The following JMJD1C variants were observed in gnomAD, a reference collection of about 807,000 sequenced individuals.
JMJD1C encodes the protein jumonji domain-containing protein 1C.
JMJD1C carries 31 observed loss-of-function variants against 245.3 expected under a neutral mutation model. The observed-to-expected ratio is 0.13, with a 90% CI of 0.09 to 0.17. The LOEUF is 0.17. Among genes scored for constraint, JMJD1C ranks in the 10% least tolerant of loss-of-function variants. JMJD1C has a pLI of 1.00. For missense variants in JMJD1C, 2,691 were observed against 3,000.2 expected (o/e 0.90, Z 2.41); for synonymous variants, 1,057 against 1,017.4 (o/e 1.04, Z -0.74).
chr10:63,403,225 C>G (rs1948969538), intron 1 of JMJD1C, among the ~76,000 whole-genome samples: 1 of 152,180 alleles, frequency 6.6e-6, no homozygotes, highest in Non-Finnish European at 1.5e-5. Context: ...ATGTACATTA[C>G]TTATCCAAAC....
At chr10:63,339,623 T>TA (rs56674933) in intron 2 of JMJD1C, among the ~76,000 whole-genome samples, 29,410 of 150,436 alleles carry the variant, frequency 0.2, 6,927 homozygotes, top group African/African-American at 0.57. Context: ...ATCTCTAATT[T>TA]AAAAAAAAAA....
intron 24 of JMJD1C, among the ~76,000 whole-genome samples, chr10:63,174,897 G>A (rs920647178): frequency 2.0e-5 from 3 of 151,672 alleles, no homozygotes; most frequent in Non-Finnish European, 4.4e-5. Flanking sequence ...CGGAGTGATG[G>A]AATTGTTCTA....
At chr10:63,225,291 C>T (rs59309830) in intron 3 of JMJD1C, among the ~76,000 whole-genome samples, 3,262 of 152,022 alleles carry the variant, frequency 0.021, 113 homozygotes, top group African/African-American at 0.073. Flanking sequence ...CTCCAGCAAA[C>T]GACAAATGGA....
At chr10:63,252,378 C>G (rs1853211378) in intron 3 of JMJD1C, among the ~76,000 whole-genome samples, 1 of 152,152 alleles carries the variant, frequency 6.6e-6, no homozygotes. Context: ...CAGATTACCC[C>G]TAACACATGG....
intron 1 of JMJD1C, among the ~76,000 whole-genome samples, chr10:63,493,217 T>C (rs921951410): frequency 6.6e-6 from 1 of 151,628 alleles, no homozygotes; most frequent in Admixed American, 6.6e-5. Flanking sequence ...TCACAGGCTA[T>C]TTTTAAGTAG....
intron 2 of JMJD1C, among the ~76,000 whole-genome samples, chr10:63,268,336 G>A (rs1252291237): frequency 6.6e-6 from 1 of 151,284 alleles, no homozygotes; most frequent in Admixed American, 6.6e-5. Flanking sequence ...AAACAAGTTG[G>A]GGGTGGGGAA....
At chr10:63,469,613 A>T (rs961510828), upstream of JMJD1C, among the ~76,000 whole-genome samples, 1 of 152,194 alleles carries the variant, frequency 6.6e-6, no homozygotes, top group African/African-American at 2.4e-5. Context: ...GTCTATCTGG[A>T]AAGATAGACA....
At chr10:63,346,659 TGCA>T (rs1305367701) in intron 2 of JMJD1C, among the ~76,000 whole-genome samples, 1 of 152,220 alleles carries the variant, frequency 6.6e-6, no homozygotes, top group African/African-American at 2.4e-5. Flanking sequence ...TCTAAGACCA[TGCA>T]GCAGTACCAC....
intron 2 of JMJD1C, among the ~76,000 whole-genome samples, chr10:63,315,141 T>A (rs10995499): frequency 0.14 from 21,442 of 151,874 alleles, 3,457 homozygotes; most frequent in African/African-American, 0.4. Context: ...TTATTTTTGA[T>A]TCATGGAAGT....
At chr10:63,403,457 T>A (rs757821935) in intron 1 of JMJD1C, among the ~76,000 whole-genome samples, 1 of 152,230 alleles carries the variant, frequency 6.6e-6, no homozygotes, top group African/African-American at 2.4e-5. Context: ...TCTTTGGAAT[T>A]AGAACCAGAG....
chr10:63,332,804 T>A (rs1942302765), intron 2 of JMJD1C, among the ~76,000 whole-genome samples: 2 of 152,356 alleles, frequency 1.3e-5, no homozygotes, highest in South Asian at 2.1e-4. Context: ...GAGTTACACA[T>A]ATTTGATTTT....
intron 2 of JMJD1C, among the ~76,000 whole-genome samples, chr10:63,324,756 G>C (rs1400326510): frequency 1.3e-5 from 2 of 152,152 alleles, no homozygotes; most frequent in African/African-American, 2.4e-5. Flanking sequence ...AGAAAAATAA[G>C]CATTTTCGGG....
rs755293050 is a variant in JMJD1C at position 63,200,677 on chromosome 10, G to A, written c.5075C>T (p.Thr1692Ile). ...SKLKLQSNSN[T>I]GIPRSVLKDW... Reference sequence around the variant, plus strand: ...TTTCAATACTGAACGAGGAATGCCAGCTGTAAAATCAGTAGGAAAGTTTTA... The same window carrying A: ...TTTCAATACTGAACGAGGAATGCCAACTGTAAAATCAGTAGGAAAGTTTTA... The change falls in exon 11 of 26, where the codon ACT (threonine) becomes ATT (isoleucine). Residue 1692 changes from threonine (T) to isoleucine (I), a missense_variant and splice_region_variant. Thr to Ile is a moderately conservative substitution (Grantham distance 89). Coordinates refer to ENST00000399262, the MANE Select transcript of JMJD1C (RefSeq NM_032776.3). 3.1e-6 allele frequency: 5 copies of A among 1,613,404 alleles called. No homozygotes were observed. In the African/African-American group the frequency reaches 4.0e-5, roughly 13 times the overall value.
intron 1 of JMJD1C, among the ~76,000 whole-genome samples, chr10:63,472,591 CAA>C (rs991411596): frequency 5.3e-5 from 8 of 152,178 alleles, no homozygotes; most frequent in Non-Finnish European, 8.8e-5. Context: ...CTCTGCCTCC[CAA>C]AGTGCTGGGA....
At chr10:63,266,150 G>A (rs1374968759) in intron 2 of JMJD1C, among the ~76,000 whole-genome samples, 1 of 151,876 alleles carries the variant, frequency 6.6e-6, no homozygotes, top group Non-Finnish European at 1.5e-5. Context: ...TTAAAAAACA[G>A]GAAAAACTCT....
chr10:63,243,325 G>A (rs187457676), intron 3 of JMJD1C, among the ~76,000 whole-genome samples: 99 of 151,702 alleles, frequency 6.5e-4, no homozygotes, highest in Non-Finnish European at 2.8e-4. Flanking sequence ...TCGGGAGCTC[G>A]GGACCAGCCT....
At position 63,213,436 on chromosome 10, in the gene JMJD1C, T is replaced by C. The variant is rs752228794; in HGVS notation, c.2694+37A>G. 1.0e-5 allele frequency: 12 copies of C among 1,172,650 alleles called. No individual in the cohort carries two copies. The South Asian group carries it at 1.5e-4, about 15-fold the overall frequency. 72.6% of individuals were successfully genotyped at this position (1,172,650 alleles called of 1,614,324 possible). A position where few individuals can be genotyped will look rare whatever the true frequency, so the allele number is the denominator to read the frequency against. ...AAAAGCACCTGTACATGTTCATTAA[T>C]ATATACTGCTATGTGGCAAACTACA... On this transcript the variant is annotated intron_variant, in intron 8 of 25. Coordinates refer to ENST00000399262, the MANE Select transcript of JMJD1C (RefSeq NM_032776.3).
intron 1 of JMJD1C, chr10:63,465,174 C>G: frequency 2.9e-6 from 1 of 344,726 alleles, no homozygotes; most frequent in Middle Eastern, 8.0e-4. Context: ...GGACTCGCGG[C>G]TCCGCCTTTC....
chr10:63,310,384 A>G lies in JMJD1C; in HGVS notation c.334-45620T>C, dbSNP rs1043203521. 5.3e-5 allele frequency among the ~76,000 whole-genome samples: 8 copies of G among 152,200 alleles called. No individual in the cohort carries two copies. In the South Asian group the frequency reaches 1.5e-3, roughly 28 times the overall value. The stretch of plus-strand genomic sequence containing the variant: ...TGCCTTGCCAGATAGCAAGACTTAT[A>G]AAGTTACAATATTTAAGACATTGTT... On this transcript the variant is annotated intron_variant, in intron 2 of 25. Transcript: ENST00000399262.
Sources: gnomAD v4.1 joint callset for allele counts (sites outside exome capture counted in the v4.1 genomes callset) on GRCh38, gnomAD v4.1.1 for gene constraint, MANE v1.5 for transcripts, NCBI Gene and HGNC (gene_info 2026-07-23, HGNC 2026-07-21) for gene names.